The following STAM2 variants were observed in gnomAD, a reference collection of about 807,000 sequenced individuals.
STAM2 encodes the protein signal transducing adaptor molecule 2, also known as signal transducing adapter molecule 2.
Under a neutral mutation model 65.6 loss-of-function variants are expected in STAM2, and 51 were observed. The ratio of observed to expected loss-of-function variants is 0.78; its 90% CI spans 0.62 to 0.98. STAM2 has a LOEUF of 0.98. STAM2 is among the 50% of genes least tolerant of loss of function. STAM2 has a pLI of 0.00. For synonymous variants in STAM2, 198 were observed against 208.4 expected, an observed-to-expected ratio of 0.95 and a Z score of 0.43; for missense variants, 584 against 617.8, an observed-to-expected ratio of 0.95 and a Z score of 0.58.
At chr2:152,128,745 C>T (rs1689008217) in intron 11 of STAM2, among the ~76,000 whole-genome samples, 1 of 152,138 alleles carries the variant, frequency 6.6e-6, no homozygotes, top group Admixed American at 6.5e-5. Flanking sequence ...ACAAATCTAC[C>T]TAAACTTTTA....
At chr2:152,159,813 C>T (rs1233021078) in intron 1 of STAM2, among the ~76,000 whole-genome samples, 1 of 152,244 alleles carries the variant, frequency 6.6e-6, no homozygotes, top group Non-Finnish European at 1.5e-5. Context: ...CATCTCTGCT[C>T]ACTGCAACCT....
Position 152,148,415 on chromosome 2 carries a change from A to G in STAM2, c.126-115T>C, listed in dbSNP as rs1579324033. The G allele has an allele frequency of 3.6e-6, 3 of 843,394 alleles. No individual in the cohort carries two copies. The East Asian group carries it at 8.5e-5, about 24-fold the overall frequency. The allele number at this position is 843,394 out of a possible 1,614,324, so 52.2% of individuals were successfully genotyped here. On this transcript the variant is annotated intron_variant, in intron 2 of 13. Coordinates refer to ENST00000263904, the MANE Select transcript of STAM2 (RefSeq NM_005843.6). The stretch of plus-strand genomic sequence containing the variant: ...TTATATTTAATGGCTCATGCCTGTA[A>G]TTCCAACACTTCGGGAAGCCAAGGC...
chr2:152,133,067 G>C, intron 10 of STAM2, 106 bp downstream of exon 10: 1 of 432,174 alleles, frequency 2.3e-6, no homozygotes, highest in Non-Finnish European at 3.6e-6. Context: ...CCCCACCGGA[G>C]ATTTCTAACC....
chr2:152,139,902 T>C lies in STAM2; in HGVS notation c.704+3925A>G, dbSNP rs139574973. Among the ~76,000 whole-genome samples, 74 of 152,340 alleles carry C rather than the reference T, an allele frequency of 4.9e-4. 1 individual carries two copies. The East Asian group carries it at 0.013, about 27-fold the overall frequency. On this transcript the variant is annotated intron_variant, in intron 7 of 13. Transcript: ENST00000263904. The stretch of plus-strand genomic sequence containing the variant: ...TAAAAATACAATATAATGATTTGCA[T>C]AGCATTTACATTGTATCAGGTACTA...
At chr2:152,122,350 G>A (rs1039735243) in intron 13 of STAM2, among the ~76,000 whole-genome samples, 6 of 151,928 alleles carry the variant, frequency 3.9e-5, no homozygotes, top group Middle Eastern at 3.2e-3. Flanking sequence ...CCTTAAGCCC[G>A]GGAGTTGGAG....
chr2:152,150,237 A>G lies in STAM2; in HGVS notation c.41-8T>C. ...ACTCATTCGTGGCTTTTTCTATAAA[A>G]TATATTGGCATACACAACAATGAGG... On this transcript the variant is annotated splice_polypyrimidine_tract_variant and splice_region_variant and intron_variant, in intron 1 of 13. Coordinates refer to ENST00000263904, the MANE Select transcript of STAM2 (RefSeq NM_005843.6). 6.4e-7 allele frequency: 1 copy of G among 1,565,700 alleles called. No individual in the cohort carries two copies. Among genetic ancestry groups the G allele is most frequent in the Non-Finnish European group, 8.8e-7 (1 of 1,136,922 alleles).
Position 152,156,629 on chromosome 2 carries a change from A to G in STAM2, c.41-6400T>C, listed in dbSNP as rs182261239. On this transcript the variant is annotated intron_variant, in intron 1 of 13. Coordinates refer to ENST00000263904, the MANE Select transcript of STAM2 (RefSeq NM_005843.6). Reference sequence around the variant, plus strand: ...TCAAATACAATGTGAAATAGCTTAGAAAGATTCTAACAATATGATAAAGAA... The same window carrying G: ...TCAAATACAATGTGAAATAGCTTAGGAAGATTCTAACAATATGATAAAGAA... Among the ~76,000 whole-genome samples the G allele has an allele frequency of 2.0e-5, 3 of 152,342 alleles. No individual in the cohort carries two copies. In the East Asian group the frequency reaches 5.8e-4, roughly 29 times the overall value.
At position 152,175,583 on chromosome 2, in the gene STAM2, G is replaced by A. The variant is rs1374835341; in HGVS notation, c.40+20C>T. On this transcript the variant is annotated intron_variant, in intron 1 of 13. Transcript: ENST00000263904. ...CCAGGGCCAGGCACACAGCAGTCCA[G>A]GACCGGGCACAGCACTCACCCACGT... 1.9e-6 allele frequency: 3 copies of A among 1,614,038 alleles called. No homozygotes were observed. Among genetic ancestry groups the A allele is most frequent in the East Asian group, 2.2e-5 (1 of 44,870 alleles).
intron 4 of STAM2, 84 bp from the exon 5 acceptor site, chr2:152,147,392 C>T (rs1480233199): frequency 7.8e-7 from 1 of 1,278,188 alleles, no homozygotes; most frequent in Non-Finnish European, 1.0e-6. Flanking sequence ...GAATTACCAT[C>T]AAAATTCTCT....
rs899779546 is a variant in STAM2, at chr2:152,117,072, C to G, written c.*3502G>C. The G allele has an allele frequency of 6.6e-6, 1 of 152,122 alleles. No homozygotes were observed. The highest frequency in any genetic ancestry group is 2.4e-5 in the African/African-American group (1 of 41,410). 9.4% of individuals were successfully genotyped at this position (152,122 alleles called of 1,614,324 possible). On this transcript the variant is annotated 3_prime_UTR_variant, in exon 14 of 14. Coordinates refer to ENST00000263904, the MANE Select transcript of STAM2 (RefSeq NM_005843.6). ...GGTGTACATGAAATTTGGAGGGACA[C>G]TATTCACTATATCACACAAGCAACA... is the stretch of plus-strand genomic sequence containing the variant.
At position 152,156,438 on chromosome 2, in the gene STAM2, T is replaced by C. The variant is rs146167245; in HGVS notation, c.41-6209A>G. 5.9e-5 allele frequency among the ~76,000 whole-genome samples: 9 copies of C among 152,324 alleles called. No homozygotes were observed. The East Asian group carries it at 1.4e-3, about 23-fold the overall frequency. Reference sequence around the variant, plus strand: ...AAACCATTCTTTTATAGCATGTCACTTTGCCCAATGTTGGGGCCCTATATC... The same window carrying C: ...AAACCATTCTTTTATAGCATGTCACCTTGCCCAATGTTGGGGCCCTATATC... On this transcript the variant is annotated intron_variant, in intron 1 of 13. Coordinates refer to ENST00000263904, the MANE Select transcript of STAM2 (RefSeq NM_005843.6).
At chr2:152,141,521 A>G (rs62176476) in intron 7 of STAM2, among the ~76,000 whole-genome samples, 35,362 of 151,630 alleles carry the variant, frequency 0.23, 4,205 homozygotes, top group Admixed American at 0.31. Flanking sequence ...GCGATAAAGC[A>G]AGACTCTGTC....
At chr2:152,141,398 G>A (rs1467642197) in intron 7 of STAM2, among the ~76,000 whole-genome samples, 1 of 151,616 alleles carries the variant, frequency 6.6e-6, no homozygotes, top group Non-Finnish European at 1.5e-5. Context: ...GCTGGGCATG[G>A]TGGCGCATGC....
intron 7 of STAM2, among the ~76,000 whole-genome samples, chr2:152,136,438 C>CA (rs561671468): frequency 1.2e-3 from 172 of 147,574 alleles, no homozygotes; most frequent in African/African-American, 3.6e-3. Flanking sequence ...GACTCTGTCT[C>CA]AAAAAAAAAA....
intron 11 of STAM2, among the ~76,000 whole-genome samples, chr2:152,126,946 C>T (rs1416385674): frequency 6.6e-6 from 1 of 152,198 alleles, no homozygotes. Context: ...GTTTGCACAG[C>T]AGTGTTACCT....
intron 1 of STAM2, among the ~76,000 whole-genome samples, chr2:152,166,135 C>T (rs1420815496): frequency 6.6e-6 from 1 of 152,160 alleles, no homozygotes; most frequent in Non-Finnish European, 1.5e-5. Context: ...GATCACGCCA[C>T]TGCATTCCAG....
rs1377204896 is a variant in STAM2 at position 152,117,684 on chromosome 2, C to T, written c.*2890G>A. The T allele has an allele frequency of 6.6e-6, 1 of 151,814 alleles. No individual in the cohort carries two copies. The highest frequency in any genetic ancestry group is 2.4e-5 in the African/African-American group (1 of 41,304). 9.4% of individuals were successfully genotyped at this position (151,814 alleles called of 1,614,324 possible). ...GCTTTCTTATAGCAATTCAATAAGC[C>T]CTCTCCTAGAACTCAGGGGCTTTTA... On this transcript the variant is annotated 3_prime_UTR_variant, in exon 14 of 14. Coordinates refer to ENST00000263904, the MANE Select transcript of STAM2 (RefSeq NM_005843.6).
intron 1 of STAM2, among the ~76,000 whole-genome samples, chr2:152,158,694 A>G (rs1689598933): frequency 6.6e-6 from 1 of 152,112 alleles, no homozygotes; most frequent in African/African-American, 2.4e-5. Flanking sequence ...GTAGTTCGTA[A>G]AGAACAGAAA....
intron 1 of STAM2, among the ~76,000 whole-genome samples, chr2:152,160,659 G>GC (rs1344514803): frequency 3.4e-5 from 5 of 146,306 alleles, no homozygotes; most frequent in African/African-American, 1.0e-4. Context: ...GTGGGGGTCA[G>GC]CCCCCCGCCC....
Sources: allele counts gnomAD v4.1 joint callset (sites outside exome capture counted in the v4.1 genomes callset), GRCh38; gene constraint gnomAD v4.1.1; transcripts MANE v1.5; gene names NCBI Gene and HGNC (gene_info 2026-07-23, HGNC 2026-07-21).